Variants in QNG1 observed in about 807,000 individuals in gnomAD.
The protein encoded by QNG1 is queuosine 5'-phosphate N-glycosylase/hydrolase.
chr9:83,940,326 T>C, the QNG1 span, among the ~76,000 whole-genome samples: 2 of 152,016 alleles, frequency 1.3e-5, no homozygotes, highest in Non-Finnish European at 2.9e-5. Context: ...ATGGTAGTAT[T>C]GCCTGTAGTC....
At chr9:83,944,932 C>T in the QNG1 span, 1 of 1,613,972 alleles carries the variant, frequency 6.2e-7, no homozygotes, top group South Asian at 1.1e-5. Flanking sequence ...CCTTCCAATA[C>T]ACTCCACGTA....
chr9:83,947,461 A>G, the QNG1 span, among the ~76,000 whole-genome samples: 1 of 152,186 alleles, frequency 6.6e-6, no homozygotes. Flanking sequence ...TATTTTTATT[A>G]TACTAAATAA....
the QNG1 span, among the ~76,000 whole-genome samples, chr9:83,947,785 G>A: frequency 1.3e-5 from 2 of 152,244 alleles, no homozygotes; most frequent in Non-Finnish European, 2.9e-5. Flanking sequence ...GAGGTGCCGG[G>A]ATTGCAGACA....
chr9:83,944,745 G>C, the QNG1 span: 1 of 1,409,122 alleles, frequency 7.1e-7, no homozygotes, highest in Non-Finnish European at 9.7e-7. Context: ...AAACTAAACC[G>C]AGATCCAACA....
the QNG1 span, chr9:83,953,874 T>C: frequency 7.5e-7 from 1 of 1,325,416 alleles, no homozygotes; most frequent in African/African-American, 1.5e-5. Flanking sequence ...ACAAAATATA[T>C]ATACAGTACA....
At chr9:83,956,213 G>A in the QNG1 span, 45 of 1,613,576 alleles carry the variant, frequency 2.8e-5, no homozygotes, top group Non-Finnish European at 3.6e-5. Context: ...AGTACCCACT[G>A]TATGTTTTCC....
the QNG1 span, among the ~76,000 whole-genome samples, chr9:83,950,890 C>T: frequency 1.3e-5 from 2 of 152,034 alleles, no homozygotes; most frequent in African/African-American, 2.4e-5. Flanking sequence ...AAAGAGCCAT[C>T]GCACCTGGAC....
chr9:83,952,806 A>C, the QNG1 span, among the ~76,000 whole-genome samples: 21 of 151,222 alleles, frequency 1.4e-4, no homozygotes, highest in South Asian at 6.3e-4. Flanking sequence ...AAAAAAAAAA[A>C]AAAAAACAAA....
At chr9:83,940,353 T>G in the QNG1 span, among the ~76,000 whole-genome samples, 1 of 151,002 alleles carries the variant, frequency 6.6e-6, no homozygotes, top group African/African-American at 2.4e-5. Context: ...ACTCGGGAGG[T>G]TGAGGTGGGA....
the QNG1 span, among the ~76,000 whole-genome samples, chr9:83,940,664 AT>A: frequency 6.6e-6 from 1 of 152,132 alleles, no homozygotes; most frequent in Non-Finnish European, 1.5e-5. Context: ...AGGAAGTTTG[AT>A]TTTTATGTGA....
chr9:83,955,056 G>A, the QNG1 span, among the ~76,000 whole-genome samples: 3 of 150,882 alleles, frequency 2.0e-5, no homozygotes, highest in African/African-American at 7.3e-5. Context: ...AAAATTAGCC[G>A]GGCTTGGTGG....
chr9:83,938,678 A>G, the QNG1 span: 1 of 151,758 alleles, frequency 6.6e-6, no homozygotes, highest in East Asian at 1.9e-4. Flanking sequence ...AGGGGGGAAA[A>G]AAAAAAAACA....
chr9:83,956,078 C>T, the QNG1 span: 3 of 1,383,086 alleles, frequency 2.2e-6, no homozygotes, highest in African/African-American at 2.8e-5. Flanking sequence ...CATCTCCCAA[C>T]CCGCTCCTTG....
chr9:83,956,497 C>G, the QNG1 span: 6 of 1,519,734 alleles, frequency 3.9e-6, no homozygotes, highest in Admixed American at 1.3e-4. Context: ...AGGAGCCCGT[C>G]CATTCTGCCC....
the QNG1 span, among the ~76,000 whole-genome samples, chr9:83,943,309 C>T: frequency 2.3e-5 from 3 of 133,172 alleles, no homozygotes; most frequent in Non-Finnish European, 4.6e-5. Flanking sequence ...CACCACACTC[C>T]AGCTTGGGCA....
chr9:83,941,820 G>T, the QNG1 span, among the ~76,000 whole-genome samples: 2 of 152,066 alleles, frequency 1.3e-5, no homozygotes. Context: ...GGCTGAGGCA[G>T]GAGAATCACT....
the QNG1 span, chr9:83,944,678 T>C: frequency 1.9e-4 from 146 of 752,766 alleles, 1 homozygote; most frequent in East Asian, 3.7e-3. Context: ...TTTTTACATA[T>C]ACTATGAACA....
chr9:83,944,050 A>G, the QNG1 span, among the ~76,000 whole-genome samples: 1 of 145,748 alleles, frequency 6.9e-6, no homozygotes, highest in Admixed American at 6.7e-5. Context: ...GGCCAGGTGC[A>G]GTGGCTCACG....
the QNG1 span, among the ~76,000 whole-genome samples, chr9:83,948,509 G>A: frequency 3.6e-3 from 505 of 142,212 alleles, 2 homozygotes; most frequent in South Asian, 0.018. Context: ...CGCCCTGTCC[G>A]GGAGGGGGGG....
Sources: gnomAD v4.1 joint callset for allele counts (sites outside exome capture counted in the v4.1 genomes callset) on GRCh38, gnomAD v4.1.1 for gene constraint, MANE v1.5 for transcripts, NCBI Gene and HGNC (gene_info 2026-07-23, HGNC 2026-07-21) for gene names.